The following CDC5L variants were observed in gnomAD, a reference collection of about 807,000 sequenced individuals.
CDC5L encodes cell division cycle 5 like.
Under a neutral mutation model 104.1 loss-of-function variants are expected in CDC5L, and 18 were observed. The observed-to-expected ratio is 0.17, with a 90% confidence interval of 0.12 to 0.26. The LOEUF is 0.26. Among genes scored for constraint, CDC5L ranks in the 10% least tolerant of loss-of-function variants. The pLI is 1.00. For synonymous variants in CDC5L, 331 were observed against 322.7 expected, an observed-to-expected ratio of 1.03 and a Z score of -0.28; for missense variants, 673 against 956.9, an observed-to-expected ratio of 0.70 and a Z score of 3.91.
At chr6:44,396,575 A>C in intron 5 of CDC5L, 135 bp downstream of exon 5, 1 of 597,560 alleles carries the variant, frequency 1.7e-6, no homozygotes, top group Non-Finnish European at 3.0e-6. Flanking sequence ...TCAATTCTGC[A>C]GTGGATAGCT....
At chr6:44,424,088 T>C (rs554622351) in intron 10 of CDC5L, among the ~76,000 whole-genome samples, 27 of 152,280 alleles carry the variant, frequency 1.8e-4, no homozygotes, top group African/African-American at 5.5e-4. Flanking sequence ...CTAGAATTAA[T>C]ATTAGGCTGA....
chr6:44,438,666 T>C (rs13208238), intron 14 of CDC5L, among the ~76,000 whole-genome samples: 1 of 118,066 alleles, frequency 8.5e-6, no homozygotes, highest in Non-Finnish European at 1.8e-5. Flanking sequence ...AAGTTTTGTC[T>C]TTTTTTTTTT....
At chr6:44,396,130 A>G (rs1021370853) in intron 4 of CDC5L, among the ~76,000 whole-genome samples, 2 of 152,210 alleles carry the variant, frequency 1.3e-5, no homozygotes, top group Non-Finnish European at 2.9e-5. Context: ...GTAAGTGACT[A>G]AGGTCACATA....
intron 8 of CDC5L, among the ~76,000 whole-genome samples, chr6:44,411,467 T>C (rs112824007): frequency 0.15 from 48 of 316 alleles, no homozygotes; most frequent in East Asian, 0.44. Context: ...AATCTAAAAT[T>C]AAAAACTTCT....
At chr6:44,426,064 G>T (rs1042070046) in intron 11 of CDC5L, 39 bp from the exon 12 acceptor site, 2 of 1,351,798 alleles carry the variant, frequency 1.5e-6, no homozygotes, top group Non-Finnish European at 2.1e-6. Flanking sequence ...TATCAAATAC[G>T]CTATAGCTGC....
chr6:44,388,961 C>G (rs549030734), intron 1 of CDC5L, among the ~76,000 whole-genome samples: 1 of 152,004 alleles, frequency 6.6e-6, no homozygotes, highest in Non-Finnish European at 1.5e-5. Context: ...GAGGATTACA[C>G]GAGTTAATAC....
chr6:44,395,045 CAT>C (rs1309626401), intron 4 of CDC5L, among the ~76,000 whole-genome samples: 4 of 152,068 alleles, frequency 2.6e-5, no homozygotes, highest in Non-Finnish European at 5.9e-5. Context: ...TATTCTTCCT[CAT>C]ATGTGGGAGC....
In CDC5L at chr6:44,446,634, C is replaced by T; in HGVS notation, c.2332C>T (p.Gln778Ter). Residue 778 changes from glutamine (Q) to a stop codon, truncating the protein, a stop_gained, in exon 16 of 16, where the codon CAA becomes TAA. Coordinates refer to ENST00000371477, the MANE Select transcript of CDC5L (RefSeq NM_001253.4). LOFTEE classifies it high-confidence loss of function. ...ECLKEDVQRQ[Q>*]EREKELQHRY... ...TCTAAAAGAAGACGTTCAGCGACAA[C>T]AAGAAAGAGAAAAGGAACTTCAACA... 6.3e-7 allele frequency: 1 copy of T among 1,586,590 alleles called. No individual in the cohort carries two copies. The highest frequency in any genetic ancestry group is 2.3e-5 in the East Asian group (1 of 44,012).
intron 9 of CDC5L, 71 bp from the exon 10 acceptor site, chr6:44,422,576 G>T: frequency 1.2e-5 from 11 of 908,510 alleles, no homozygotes; most frequent in South Asian, 1.2e-4. Flanking sequence ...AATAATTTAT[G>T]TGAAAAACAT....
chr6:44,428,110 G>A (rs993987978), intron 13 of CDC5L, among the ~76,000 whole-genome samples: 30 of 152,084 alleles, frequency 2.0e-4, no homozygotes, highest in Admixed American at 8.5e-4. Context: ...ATATTCTCTC[G>A]TAATGATTAT....
At chr6:44,396,521 G>GT in intron 5 of CDC5L, 81 bp downstream of exon 5, 1 of 827,900 alleles carries the variant, frequency 1.2e-6, no homozygotes, top group Non-Finnish European at 1.9e-6. Flanking sequence ...GACCAGATAT[G>GT]TGGTTTTTTT....
At chr6:44,436,197 C>T (rs537443604) in intron 14 of CDC5L, among the ~76,000 whole-genome samples, 10 of 152,348 alleles carry the variant, frequency 6.6e-5, no homozygotes, top group Non-Finnish European at 1.3e-4. Flanking sequence ...CATGTGTCTT[C>T]AAGTCTATAT....
At chr6:44,401,236 A>G (rs917852826) in intron 5 of CDC5L, among the ~76,000 whole-genome samples, 10 of 152,162 alleles carry the variant, frequency 6.6e-5, no homozygotes, top group Non-Finnish European at 1.3e-4. Flanking sequence ...TGACAGCCCT[A>G]CTTTATTAGC....
At chr6:44,396,235 A>G in intron 4 of CDC5L, 106 bp from the exon 5 acceptor site, 1 of 611,346 alleles carries the variant, frequency 1.6e-6, no homozygotes, top group Non-Finnish European at 2.8e-6. Context: ...CAGTATTTTT[A>G]TGTTTTTTTC....
chr6:44,426,107 T>C lies in CDC5L; in HGVS notation c.1574T>C (p.Ile525Thr). 6.3e-7 allele frequency: 1 copy of C among 1,597,064 alleles called. No individual in the cohort carries two copies. Among genetic ancestry groups the C allele is most frequent in the Non-Finnish European group, 8.6e-7 (1 of 1,169,356 alleles). The change falls in exon 12 of 16, where the codon ATA (isoleucine) becomes ACA (threonine). Residue 525 changes from isoleucine to threonine, a missense_variant. Coordinates refer to ENST00000371477, the MANE Select transcript of CDC5L (RefSeq NM_001253.4). ...AADVDARKQA[I>T]RDAERVKEMK... ...GATATAAAAATCATTTTTTAGGCCA[T>C]ACGAGATGCAGAGCGTGTAAAGGAA...
chr6:44,441,076 C>T (rs1793163906), intron 14 of CDC5L, among the ~76,000 whole-genome samples: 1 of 152,140 alleles, frequency 6.6e-6, no homozygotes, highest in South Asian at 2.1e-4. Context: ...TGTAATAGAT[C>T]ACCAGAACCT....
chr6:44,438,819 G>A (rs1041021951), intron 14 of CDC5L, among the ~76,000 whole-genome samples: 5 of 151,726 alleles, frequency 3.3e-5, no homozygotes, highest in Non-Finnish European at 4.4e-5. Context: ...CTCCTGTGGA[G>A]GTAATGTTTC....
At chr6:44,429,210 C>T (rs983766048) in intron 13 of CDC5L, among the ~76,000 whole-genome samples, 5 of 151,834 alleles carry the variant, frequency 3.3e-5, no homozygotes, top group East Asian at 1.9e-4. Flanking sequence ...TTAGTAGACA[C>T]GAGGTTTTGC....
intron 4 of CDC5L, 124 bp from the exon 5 acceptor site, chr6:44,396,217 C>G: frequency 3.6e-6 from 2 of 562,636 alleles, no homozygotes; most frequent in Non-Finnish European, 6.1e-6. Flanking sequence ...TATGCTACAC[C>G]ATAAAATCAG....
Sources: allele counts gnomAD v4.1 joint callset (sites outside exome capture counted in the v4.1 genomes callset), GRCh38; gene constraint gnomAD v4.1.1; transcripts MANE v1.5; gene names NCBI Gene and HGNC (gene_info 2026-07-23, HGNC 2026-07-21).